The following CSMD1 variants were observed in gnomAD, a reference collection of about 807,000 sequenced individuals.
CSMD1 encodes the protein CUB and Sushi multiple domains 1, also known as CUB and sushi domain-containing protein 1.
A neutral mutation model predicts 417.5 loss-of-function variants in CSMD1; 213 were observed. The observed-to-expected ratio is 0.51, with a 90% CI of 0.46 to 0.57. The LOEUF is 0.57. Ranked by LOEUF, CSMD1 falls within the 20% of genes least tolerant of loss-of-function variation. The pLI is 0.00. For synonymous variants in CSMD1, 2,862 were observed against 1,736.8 expected (o/e 1.65, Z -16.11); for missense variants, 6,923 against 4,529.7 (o/e 1.53, Z -15.17).
chr8:4,913,543 C>G (rs1254072746), intron 1 of CSMD1, among the ~76,000 whole-genome samples: 4 of 152,170 alleles, frequency 2.6e-5, no homozygotes, highest in African/African-American at 9.7e-5. Flanking sequence ...TCAAAGAGCT[C>G]TACAGGGGAA....
At chr8:4,322,426 C>G (rs1051778239) in intron 3 of CSMD1, among the ~76,000 whole-genome samples, 3 of 152,040 alleles carry the variant, frequency 2.0e-5, no homozygotes, top group African/African-American at 7.2e-5. Context: ...CTACATATGG[C>G]AGAATATTCT....
chr8:4,426,795 T>C (rs1048042335), intron 2 of CSMD1, among the ~76,000 whole-genome samples: 42 of 148,952 alleles, frequency 2.8e-4, no homozygotes, highest in South Asian at 1.0e-3. Context: ...TTATATAATA[T>C]AGAAATATAG....
chr8:4,845,562 T>A (rs962573405), intron 1 of CSMD1, among the ~76,000 whole-genome samples: 1 of 152,254 alleles, frequency 6.6e-6, no homozygotes, highest in East Asian at 1.9e-4. Flanking sequence ...CGTGGTTTCT[T>A]AGAATTTCTA....
chr8:4,027,452 G>A (rs913552595), intron 4 of CSMD1, among the ~76,000 whole-genome samples: 1 of 152,080 alleles, frequency 6.6e-6, no homozygotes. Context: ...CCTCCATGCT[G>A]TTCTTGTGAC....
chr8:4,678,257 A>C (rs1805821453), intron 1 of CSMD1, among the ~76,000 whole-genome samples: 1 of 151,986 alleles, frequency 6.6e-6, no homozygotes, highest in Non-Finnish European at 1.5e-5. Flanking sequence ...ATGAAAATAC[A>C]AAAATTAGCC....
At chr8:4,524,569 C>CTTTTTT (rs35453060) in intron 2 of CSMD1, among the ~76,000 whole-genome samples, 12 of 117,852 alleles carry the variant, frequency 1.0e-4, no homozygotes, top group South Asian at 2.8e-4. Context: ...CACACTTGGT[C>CTTTTTT]TTTTTTTTTT....
chr8:3,660,721 A>T (rs535028725), intron 7 of CSMD1, among the ~76,000 whole-genome samples: 2 of 140,440 alleles, frequency 1.4e-5, no homozygotes, highest in African/African-American at 5.1e-5. Context: ...GGGTTTCACC[A>T]TGTTGGTCAG....
At chr8:3,810,700 T>C (rs894620000) in intron 5 of CSMD1, among the ~76,000 whole-genome samples, 4 of 152,210 alleles carry the variant, frequency 2.6e-5, no homozygotes. Flanking sequence ...AAATGGTTTA[T>C]CTCTTGTAAA....
intron 19 of CSMD1, 88 bp from the exon 20 acceptor site, chr8:3,367,335 C>A: frequency 2.5e-6 from 2 of 815,210 alleles, no homozygotes; most frequent in Non-Finnish European, 2.0e-6. Flanking sequence ...CAGAGAGAGA[C>A]AGAGACATAG....
At chr8:4,753,727 G>A (rs181673522) in intron 1 of CSMD1, among the ~76,000 whole-genome samples, 1 of 152,164 alleles carries the variant, frequency 6.6e-6, no homozygotes, top group East Asian at 1.9e-4. Flanking sequence ...CACCTTCAAG[G>A]CAGAGCTCAA....
chr8:3,396,297 G>A lies in CSMD1; in HGVS notation c.2490C>T (p.Gly830=). ...SSSPLIGEYH[G]TQAPQFLIST... Reference sequence around the variant, plus strand: ...TGATGAGGAACTGGGGTGCCTGGGTGCCGTGGTACTCGCCGATCAGTGGGG... The same window carrying A: ...TGATGAGGAACTGGGGTGCCTGGGTACCGTGGTACTCGCCGATCAGTGGGG... Residue 830 remains glycine (G), a synonymous_variant, in exon 17 of 70, where the codon GGC becomes GGT. Transcript: ENST00000635120. 1 of 1,605,054 alleles carries A rather than the reference G, an allele frequency of 6.2e-7. No homozygotes were observed. Among genetic ancestry groups the A allele is most frequent in the Non-Finnish European group, 8.5e-7 (1 of 1,175,714 alleles).
In CSMD1 at chr8:3,754,048, G is replaced by C. The variant is rs73188909; in HGVS notation, c.819-6C>G. On this transcript the variant is annotated splice_region_variant and splice_polypyrimidine_tract_variant and intron_variant, in intron 5 of 69. Transcript: ENST00000635120. Reference sequence around the variant, plus strand: ...GGAGGTTCATGCCAGTTAGCCTAGAGAAGAGAAAGAGGAAAAAAATCTCCC... The same window carrying C: ...GGAGGTTCATGCCAGTTAGCCTAGACAAGAGAAAGAGGAAAAAAATCTCCC... 0.035 allele frequency: 55,289 copies of C among 1,599,822 alleles called. 1,115 individuals carry two copies. The highest frequency in any genetic ancestry group is 0.04 in the Non-Finnish European group (46,492 of 1,169,178).
At chr8:3,088,253 T>C (rs1361348753) in intron 48 of CSMD1, among the ~76,000 whole-genome samples, 1 of 152,240 alleles carries the variant, frequency 6.6e-6, no homozygotes, top group Non-Finnish European at 1.5e-5. Context: ...ACTTGCTTCA[T>C]CTGCACAAGG....
chr8:3,402,581 A>T (rs1011945236), intron 15 of CSMD1, among the ~76,000 whole-genome samples: 3 of 152,200 alleles, frequency 2.0e-5, no homozygotes, highest in African/African-American at 7.2e-5. Flanking sequence ...AGAATAAATA[A>T]ATAACCTACG....
Position 4,033,638 on chromosome 8 carries a change from T to C in CSMD1, c.416-1539A>G, listed in dbSNP as rs919024697. 1.3e-5 allele frequency among the ~76,000 whole-genome samples: 2 copies of C among 152,198 alleles called. 1 individual carries two copies. The highest frequency in any genetic ancestry group is 1.3e-4 in the Admixed American group (2 of 15,276). On this transcript the variant is annotated intron_variant, in intron 3 of 69. Transcript: ENST00000635120. ...TTGGGCACTTGTTCTCAGGACCTCC[T>C]GAGGGCTGCGTCATGGGCCACTGAT...
At chr8:3,586,364 T>G in intron 8 of CSMD1, 104 bp from the exon 9 acceptor site, 2 of 1,111,454 alleles carry the variant, frequency 1.8e-6, no homozygotes, top group South Asian at 3.4e-5. Flanking sequence ...CTTGTTCAGT[T>G]AAAACAGCCT....
intron 3 of CSMD1, among the ~76,000 whole-genome samples, chr8:4,107,336 G>A (rs1440951431): frequency 6.6e-6 from 1 of 152,114 alleles, no homozygotes; most frequent in East Asian, 1.9e-4. Context: ...TTCCATTCAG[G>A]AATAAAGCTC....
intron 3 of CSMD1, among the ~76,000 whole-genome samples, chr8:4,103,003 A>G (rs111238881): frequency 6.6e-6 from 1 of 152,166 alleles, no homozygotes; most frequent in Non-Finnish European, 1.5e-5. Flanking sequence ...TTTGTATTCT[A>G]AACTTTTTAC....
chr8:4,819,490 G>A lies in CSMD1; in HGVS notation c.85+174842C>T, dbSNP rs375773545. On this transcript the variant is annotated intron_variant, in intron 1 of 69. Transcript: ENST00000635120. Reference sequence around the variant, plus strand: ...TTGACATCCAACATAATACATATATGCTATATAGGACCCTATATTAATTCT... The same window carrying A: ...TTGACATCCAACATAATACATATATACTATATAGGACCCTATATTAATTCT... Among the ~76,000 whole-genome samples, 4 of 152,078 alleles carry A rather than the reference G, an allele frequency of 2.6e-5. No homozygotes were observed. In the East Asian group the frequency reaches 5.8e-4, roughly 22 times the overall value.
Sources: gnomAD v4.1 joint callset for allele counts (sites outside exome capture counted in the v4.1 genomes callset) on GRCh38, gnomAD v4.1.1 for gene constraint, MANE v1.5 for transcripts, NCBI Gene and HGNC (gene_info 2026-07-23, HGNC 2026-07-21) for gene names.